Variants in CTNNA3 observed in about 807,000 individuals in gnomAD.
CTNNA3 encodes the protein catenin alpha-3.
CTNNA3 carries 76 observed loss-of-function variants against 95.7 expected under a neutral mutation model. That is an observed-to-expected ratio of 0.79 (90% confidence interval 0.66 to 0.96). The LOEUF is 0.96. CTNNA3 is among the 40% of genes least tolerant of loss of function. The pLI, the probability that CTNNA3 is intolerant of heterozygous loss-of-function variation, is 0.00. For synonymous variants in CTNNA3, 431 were observed against 374.4 expected, an observed-to-expected ratio of 1.15 and a Z score of -1.74; for missense variants, 1,191 against 1,089.8, an observed-to-expected ratio of 1.09 and a Z score of -1.31.
At chr10:66,204,206 T>A (rs958888245) in intron 13 of CTNNA3, among the ~76,000 whole-genome samples, 5 of 152,172 alleles carry the variant, frequency 3.3e-5, no homozygotes, top group African/African-American at 7.2e-5. Context: ...TCTTCACTTC[T>A]AGGCTACTCC....
intron 2 of CTNNA3, among the ~76,000 whole-genome samples, chr10:67,646,407 G>A (rs1589529363): frequency 6.6e-6 from 1 of 151,696 alleles, no homozygotes; most frequent in Non-Finnish European, 1.5e-5. Flanking sequence ...TTTCACACCA[G>A]ATATTAGTGC....
intron 9 of CTNNA3, among the ~76,000 whole-genome samples, chr10:66,636,336 T>C (rs1845336604): frequency 1.3e-5 from 2 of 152,098 alleles, no homozygotes; most frequent in South Asian, 4.1e-4. Flanking sequence ...TACAGCACAC[T>C]GAAATACTGG....
chr10:67,638,043 A>C (rs934440985), intron 2 of CTNNA3, among the ~76,000 whole-genome samples: 1 of 152,116 alleles, frequency 6.6e-6, no homozygotes, highest in African/African-American at 2.4e-5. Context: ...TGGGCTAAAC[A>C]CTCCAATTAA....
At chr10:66,935,306 T>G (rs771862843) in intron 7 of CTNNA3, among the ~76,000 whole-genome samples, 2 of 152,090 alleles carry the variant, frequency 1.3e-5, no homozygotes, top group Non-Finnish European at 2.9e-5. Context: ...CTCTCTAAGG[T>G]ACAACAGTGA....
At chr10:66,840,410 A>ACACC (rs1176067893) in intron 7 of CTNNA3, among the ~76,000 whole-genome samples, 2 of 114,696 alleles carry the variant, frequency 1.7e-5, no homozygotes, top group East Asian at 2.9e-4. Flanking sequence ...ACACACACAC[A>ACACC]CCCCTCGGTA....
At chr10:66,800,635 C>A (rs1426748882) in intron 7 of CTNNA3, among the ~76,000 whole-genome samples, 1 of 150,942 alleles carries the variant, frequency 6.6e-6, no homozygotes, top group African/African-American at 2.4e-5. Flanking sequence ...AAAATGTCTA[C>A]AAGAATATAA....
At chr10:66,219,813 T>C (rs1285708257) in intron 13 of CTNNA3, among the ~76,000 whole-genome samples, 1 of 152,172 alleles carries the variant, frequency 6.6e-6, no homozygotes, top group Non-Finnish European at 1.5e-5. Context: ...AGGAAACTAC[T>C]ACTGTGATTA....
chr10:66,989,404 A>G (rs532317590), intron 7 of CTNNA3, among the ~76,000 whole-genome samples: 5 of 152,210 alleles, frequency 3.3e-5, no homozygotes, highest in Non-Finnish European at 7.3e-5. Flanking sequence ...CTTCTTGATT[A>G]TATTTGTAGG....
intron 13 of CTNNA3, among the ~76,000 whole-genome samples, chr10:66,158,242 C>A (rs2084649712): frequency 6.6e-6 from 1 of 152,198 alleles, no homozygotes; most frequent in African/African-American, 2.4e-5. Flanking sequence ...TTGCCCAAGC[C>A]AATGTCTAGA....
chr10:66,697,184 AC>A (rs1847796634), intron 9 of CTNNA3, among the ~76,000 whole-genome samples: 1 of 150,930 alleles, frequency 6.6e-6, no homozygotes, highest in African/African-American at 2.4e-5. Flanking sequence ...CACTTTTATT[AC>A]TTTTATTATA....
intron 9 of CTNNA3, among the ~76,000 whole-genome samples, chr10:66,691,060 A>T (rs1292638197): frequency 6.6e-6 from 1 of 152,134 alleles, no homozygotes; most frequent in Non-Finnish European, 1.5e-5. Context: ...CTGCATTTCC[A>T]TCTGAGGTAC....
intron 6 of CTNNA3, among the ~76,000 whole-genome samples, chr10:67,212,185 G>T (rs1864167634): frequency 6.6e-6 from 1 of 151,860 alleles, no homozygotes; most frequent in South Asian, 2.1e-4. Context: ...TATGAATAAA[G>T]AATAATAATA....
At chr10:67,202,876 T>TAAAAA (rs569362233) in intron 6 of CTNNA3, among the ~76,000 whole-genome samples, 2 of 151,942 alleles carry the variant, frequency 1.3e-5, no homozygotes, top group East Asian at 3.9e-4. Context: ...ATATCTGCTT[T>TAAAAA]AAAAAAAAGC....
chr10:66,392,595 C>T (rs1213641629), intron 11 of CTNNA3, among the ~76,000 whole-genome samples: 1 of 152,026 alleles, frequency 6.6e-6, no homozygotes, highest in Admixed American at 6.6e-5. Flanking sequence ...CGAGCAGACA[C>T]CTCACCAAAG....
chr10:67,054,098 T>C (rs1279259869), intron 7 of CTNNA3, among the ~76,000 whole-genome samples: 1 of 152,162 alleles, frequency 6.6e-6, no homozygotes. Flanking sequence ...GTAAGCAGCT[T>C]AGTATCCATC....
chr10:66,517,246 T>G (rs1032708051), intron 11 of CTNNA3, among the ~76,000 whole-genome samples: 1 of 151,366 alleles, frequency 6.6e-6, no homozygotes, highest in Non-Finnish European at 1.5e-5. Flanking sequence ...ATAAATAAAA[T>G]AACCTTGAAC....
intron 11 of CTNNA3, among the ~76,000 whole-genome samples, chr10:66,480,495 G>A (rs943149301): frequency 2.6e-5 from 4 of 152,118 alleles, no homozygotes; most frequent in Non-Finnish European, 5.9e-5. Flanking sequence ...TCGACAAATA[G>A]GCACTGGATA....
intron 15 of CTNNA3, among the ~76,000 whole-genome samples, chr10:66,040,921 A>G (rs1247164271): frequency 6.6e-6 from 1 of 152,192 alleles, no homozygotes; most frequent in Non-Finnish European, 1.5e-5. Context: ...AGTATGCGAA[A>G]GTTTGAGGAG....
chr10:65,979,099 G>A (rs994511240), intron 16 of CTNNA3, among the ~76,000 whole-genome samples: 2 of 152,112 alleles, frequency 1.3e-5, no homozygotes, highest in Non-Finnish European at 2.9e-5. Context: ...TATATATGCT[G>A]TTAAAATCCT....
Sources: allele counts gnomAD v4.1 joint callset (sites outside exome capture counted in the v4.1 genomes callset), GRCh38; gene constraint gnomAD v4.1.1; transcripts MANE v1.5; gene names NCBI Gene and HGNC (gene_info 2026-07-23, HGNC 2026-07-21).